The following PAX6 variants were observed in gnomAD, a reference collection of about 807,000 sequenced individuals.
The protein encoded by PAX6 is paired box 6.
Under a neutral mutation model 60.7 loss-of-function variants are expected in PAX6, and 7 were observed. The observed-to-expected ratio is 0.12, with a 90% CI of 0.07 to 0.22. The LOEUF is 0.22. PAX6 is among the 10% of genes least tolerant of loss of function. PAX6 has a pLI of 1.00. For missense variants in PAX6, 355 were observed against 555.2 expected (o/e 0.64, Z 3.62); for synonymous variants, 208 against 201.2 (o/e 1.03, Z -0.29).
intron 5 of PAX6, 158 bp from the exon 6 acceptor site, chr11:31,802,070 A>C (rs968220991): frequency 1.2e-5 from 8 of 684,120 alleles, no homozygotes; most frequent in African/African-American, 7.3e-5. Flanking sequence ...TAAAAAAAAA[A>C]CTTTTCTTAA....
chr11:31,790,847 C>G lies in PAX6; in HGVS notation c.1088G>C (p.Ser363Thr), dbSNP rs754759536. The G allele has an allele frequency of 6.2e-7, 1 of 1,614,034 alleles. No homozygotes were observed. The highest frequency in any genetic ancestry group is 1.3e-5 in the African/African-American group (1 of 75,028). ...NNLPMQPPVP[S>T]QTSSYSCMLP... is the part of the protein sequence containing the mutation. ...CATGCAGGAGTATGAGGAGGTCTGGCTGGGGACTGGGGGCTGTGAGGAGAG... is the reference window on the plus strand; with the variant it reads ...CATGCAGGAGTATGAGGAGGTCTGGGTGGGGACTGGGGGCTGTGAGGAGAG... Residue 363 changes from serine to threonine, a missense_variant, in exon 13 of 14, where the codon AGC (serine) becomes ACC (threonine). Ser to Thr is a moderately conservative substitution (Grantham distance 58, BLOSUM62 1). Transcript: ENST00000640368.
In PAX6 at chr11:31,794,403, A is replaced by G. The variant is rs561044289; in HGVS notation, c.724+227T>C. ...TGAATTACTGGTAGATGAAAAGAAGAAACACACACACACACACCACACACA... is the reference window on the plus strand; with the variant it reads ...TGAATTACTGGTAGATGAAAAGAAGGAACACACACACACACACCACACACA... On this transcript the variant is annotated intron_variant, in intron 9 of 13. Transcript: ENST00000640368. 3.8e-5 allele frequency: 23 copies of G among 605,388 alleles called. No individual in the cohort carries two copies. In the African/African-American group the frequency reaches 4.1e-4, roughly 11 times the overall value. 37.5% of individuals were successfully genotyped at this position (605,388 alleles called of 1,614,324 possible).
Position 31,800,765 on chromosome 11 carries a change from T to G in PAX6, c.491A>C (p.Asn164Thr). 2 of 1,614,222 alleles carry G rather than the reference T, an allele frequency of 1.2e-6. No individual in the cohort carries two copies. The highest frequency in any genetic ancestry group is 1.7e-6 in the Non-Finnish European group (2 of 1,180,036). The stretch of plus-strand genomic sequence containing the variant: ...GGTGCCCCAGCTTCCGGTCTGCCCG[T>G]TCAACATCCTTAGTTTATCATACAT... ...DGMYDKLRML[N>T]GQTGSWGTRP... is the part of the protein sequence containing the mutation. Residue 164 changes from asparagine (N) to threonine (T), a missense_variant, in exon 8 of 14, where the codon AAC becomes ACC. Around this residue, in one of 5 missense-constraint regions of PAX6, gnomAD observed 143 missense variants for 183.6 expected, o/e 0.78. Coordinates refer to ENST00000640368, the MANE Select transcript of PAX6 (RefSeq NM_001368894.2).
chr11:31,802,494 G>A, intron 5 of PAX6: 1 of 552,870 alleles, frequency 1.8e-6, no homozygotes, highest in Admixed American at 3.3e-5. Context: ...GTTATCTTAT[G>A]TAACTGACCC....
chr11:31,805,881 C>T (rs762783939), intron 4 of PAX6: 3 of 139,938 alleles, frequency 2.1e-5, no homozygotes, highest in Non-Finnish European at 4.5e-5. Context: ...GGCCTGGGGG[C>T]TCCTCTCCCC....
At chr11:31,800,446 C>A in intron 8 of PAX6, 3 of 606,068 alleles carry the variant, frequency 4.9e-6, no homozygotes, top group Non-Finnish European at 9.0e-6. Context: ...AACACACACA[C>A]GCACCCACCA....
upstream of PAX6, chr11:31,811,392 A>G: frequency 2.5e-6 from 1 of 397,798 alleles, no homozygotes; most frequent in Non-Finnish European, 4.4e-6. Context: ...GCGCCAGCCG[A>G]TTGGATGCTC....
In PAX6 at chr11:31,794,723, A is replaced by C; in HGVS notation, c.631T>G (p.Ser211Ala). The stretch of plus-strand genomic sequence containing the variant: ...TGAAGTCGCATTTGAGCCTCATCTG[A>C]ATCTTCTCCGTTGGAACTGATGGAG... ...TNSISSNGED[S>A]DEAQMRLQLK... is the part of the protein sequence containing the mutation. Residue 211 changes from serine to alanine, a missense_variant, in exon 9 of 14, where the codon TCA (serine) becomes GCA (alanine). This residue lies in a region of PAX6 where 143 missense variants were observed against 183.6 expected (regional missense o/e 0.78). Transcript: ENST00000640368. 2 of 1,614,144 alleles carry C rather than the reference A, an allele frequency of 1.2e-6. No individual in the cohort carries two copies. The highest frequency in any genetic ancestry group is 4.5e-5 in the East Asian group (2 of 44,882).
intron 4 of PAX6, 96 bp from the exon 5 acceptor site, chr11:31,802,930 G>A: frequency 2.5e-6 from 3 of 1,211,060 alleles, no homozygotes; most frequent in East Asian, 2.5e-5. Context: ...AGATGAGGGA[G>A]AACAAGAACA....
At chr11:31,792,218 C>T (rs1357013033) in intron 12 of PAX6, 2 of 152,230 alleles carry the variant, frequency 1.3e-5, no homozygotes, top group Non-Finnish European at 2.9e-5. Context: ...GTTTCTAATT[C>T]CTGCAATGAG....
rs35644855 is a variant in PAX6, at chr11:31,790,260, GA to G, written c.1226-242del. 0.47 allele frequency: 225,427 copies of G among 482,848 alleles called. 53,081 individuals are homozygous for G. The highest frequency in any genetic ancestry group is 0.58 in the South Asian group (18,025 of 30,884). 29.9% of individuals were successfully genotyped at this position (482,848 alleles called of 1,614,324 possible). On this transcript the variant is annotated intron_variant, in intron 13 of 13. Transcript: ENST00000640368. The stretch of plus-strand genomic sequence containing the variant: ...CCCCCCACCCCAATCCAAAGGAAAA[GA>G]AAAAAAAAATCCTCTGTTTGTTTGC...
intron 4 of PAX6, 32 bp from the exon 5 acceptor site, chr11:31,802,866 AAGAAG>A (rs945265080): frequency 1.2e-6 from 2 of 1,607,090 alleles, no homozygotes; most frequent in Non-Finnish European, 1.7e-6. Context: ...GAAAGGGGAA[AAGAAG>A]AGAAGAGAGC....
chr11:31,794,122 A>T lies in PAX6; in HGVS notation c.725-8T>A. ...AATGGGTTCTCTCAAACTCTGAAAGAGTAAGTTGATTTTCCATATTGTGCC... is the reference window on the plus strand; with the variant it reads ...AATGGGTTCTCTCAAACTCTGAAAGTGTAAGTTGATTTTCCATATTGTGCC... On this transcript the variant is annotated splice_polypyrimidine_tract_variant and splice_region_variant and intron_variant, in intron 9 of 13. Transcript: ENST00000640368. The T allele has an allele frequency of 6.3e-7, 1 of 1,590,600 alleles. No homozygotes were observed. The highest frequency in any genetic ancestry group is 8.6e-7 in the Non-Finnish European group (1 of 1,158,612).
chr11:31,802,639 G>T lies in PAX6; in HGVS notation c.141+65C>A, dbSNP rs974089908. Reference sequence around the variant, plus strand: ...ATTAGCATCGTTTACAGTAAGAAATGAAGAGAGGGCGTTGAGAGTGGAGGG... The same window carrying T: ...ATTAGCATCGTTTACAGTAAGAAATTAAGAGAGGGCGTTGAGAGTGGAGGG... On this transcript the variant is annotated intron_variant, in intron 5 of 13. Transcript: ENST00000640368. 2.6e-6 allele frequency: 4 copies of T among 1,554,960 alleles called. No individual in the cohort carries two copies. In the African/African-American group the frequency reaches 4.1e-5, roughly 16 times the overall value.
intron 9 of PAX6, 24 bp from the exon 10 acceptor site, chr11:31,794,138 A>C (rs1443382837): frequency 6.7e-7 from 1 of 1,502,980 alleles, no homozygotes; most frequent in Non-Finnish European, 9.3e-7. Context: ...TTGATTTTCC[A>C]TATTGTGCCA....
At chr11:31,794,150 A>T in intron 9 of PAX6, 36 bp from the exon 10 acceptor site, 1 of 1,375,590 alleles carries the variant, frequency 7.3e-7, no homozygotes, top group Non-Finnish European at 1.0e-6. Context: ...ATTGTGCCAG[A>T]ACTACACAAA....
intron 5 of PAX6, chr11:31,802,437 G>T (rs1954309365): frequency 6.4e-6 from 3 of 469,062 alleles, no homozygotes; most frequent in Non-Finnish European, 1.1e-5. Context: ...AAAAGAGAAA[G>T]ATTTTTTTAA....
Position 31,800,721 on chromosome 11 carries a change from C to G in PAX6, c.535G>C (p.Gly179Arg), listed in dbSNP as rs1375343542. The G allele has an allele frequency of 3.1e-6, 5 of 1,614,178 alleles. No homozygotes were observed. The highest frequency in any genetic ancestry group is 1.7e-5 in the Admixed American group (1 of 60,022). Reference sequence around the variant, plus strand: ...GTAGGTTGCCCTGGCACCGAAGTCCCCGGATACCAACCAGGGCGGGTGCCC... The same window carrying G: ...GTAGGTTGCCCTGGCACCGAAGTCCGCGGATACCAACCAGGGCGGGTGCCC... Reference protein sequence around the residue: ...SWGTRPGWYPGTSVPGQPTQD... With the variant: ...SWGTRPGWYPRTSVPGQPTQD... The change falls in exon 8 of 14, where the codon GGG becomes CGG. Residue 179 changes from glycine (G) to arginine (R), a missense_variant. This residue lies in a region of PAX6 where 143 missense variants were observed against 183.6 expected (regional missense o/e 0.78). Transcript: ENST00000640368.
chr11:31,802,910 A>C, intron 4 of PAX6, 76 bp from the exon 5 acceptor site: 1 of 1,403,590 alleles, frequency 7.1e-7, no homozygotes, highest in Non-Finnish European at 9.9e-7. Context: ...AGGGAGAAGA[A>C]GGAAGAGGAA....
Sources: allele counts gnomAD v4.1 joint callset, GRCh38; gene constraint gnomAD v4.1.1; regional missense constraint gnomAD v4.1.1; transcripts MANE v1.5; gene names NCBI Gene and HGNC (gene_info 2026-07-23, HGNC 2026-07-21).